The following CSTPP1 variants were observed in gnomAD, a reference collection of about 807,000 sequenced individuals.
CSTPP1 encodes centriolar satellite-associated tubulin polyglutamylase complex regulator 1, also known as UPF0705 protein C11orf49.
At chr11:47,102,791 G>C in the CSTPP1 span, among the ~76,000 whole-genome samples, 1 of 152,142 alleles carries the variant, frequency 6.6e-6, no homozygotes. Context: ...TAGAAAACTT[G>C]AACGAAATGA....
chr11:47,109,356 AT>A, the CSTPP1 span: 1 of 152,070 alleles, frequency 6.6e-6, no homozygotes, highest in Non-Finnish European at 1.5e-5. Context: ...AGTAACTTGG[AT>A]TCTGAGGACC....
chr11:46,997,600 C>T, the CSTPP1 span, among the ~76,000 whole-genome samples: 5 of 152,354 alleles, frequency 3.3e-5, no homozygotes, highest in East Asian at 9.6e-4. Context: ...TCCTCTGTTG[C>T]TGGCGAGGAT....
At chr11:47,058,984 C>A in the CSTPP1 span, among the ~76,000 whole-genome samples, 1 of 152,170 alleles carries the variant, frequency 6.6e-6, no homozygotes, top group African/African-American at 2.4e-5. Flanking sequence ...AAATATGGAA[C>A]ATATACACCA....
chr11:46,963,844 A>T, the CSTPP1 span, among the ~76,000 whole-genome samples: 1 of 151,912 alleles, frequency 6.6e-6, no homozygotes, highest in Non-Finnish European at 1.5e-5. Context: ...GGTCATAGCT[A>T]GACCAACTAG....
At chr11:46,964,285 C>A in the CSTPP1 span, among the ~76,000 whole-genome samples, 1 of 143,478 alleles carries the variant, frequency 7.0e-6, no homozygotes, top group Non-Finnish European at 1.5e-5. Context: ...TTCTCTCTCT[C>A]TCTCTTTTTT....
chr11:47,127,707 G>C, the CSTPP1 span, among the ~76,000 whole-genome samples: 2 of 151,346 alleles, frequency 1.3e-5, no homozygotes, highest in South Asian at 4.2e-4. Flanking sequence ...AAAAAAAAAA[G>C]ATTTTTTAAT....
chr11:46,953,575 G>A, the CSTPP1 span, among the ~76,000 whole-genome samples: 1 of 151,960 alleles, frequency 6.6e-6, no homozygotes, highest in Non-Finnish European at 1.5e-5. Flanking sequence ...AAACTGTTAT[G>A]GGATCTTTGA....
the CSTPP1 span, among the ~76,000 whole-genome samples, chr11:47,102,091 G>A: frequency 6.6e-6 from 1 of 152,138 alleles, no homozygotes; most frequent in East Asian, 1.9e-4. Flanking sequence ...ACTTTTAGGA[G>A]AATGATTTGG....
At chr11:47,125,992 G>A in the CSTPP1 span, among the ~76,000 whole-genome samples, 3 of 151,480 alleles carry the variant, frequency 2.0e-5, no homozygotes, top group African/African-American at 4.9e-5. Flanking sequence ...ATTCCATCCC[G>A]GGTGACAGAG....
chr11:46,979,943 A>G, the CSTPP1 span, among the ~76,000 whole-genome samples: 1 of 152,182 alleles, frequency 6.6e-6, no homozygotes, highest in African/African-American at 2.4e-5. Flanking sequence ...AGTTTCTGGC[A>G]CTTGAAATTG....
the CSTPP1 span, among the ~76,000 whole-genome samples, chr11:46,988,635 A>G: frequency 4.6e-5 from 7 of 152,142 alleles, no homozygotes; most frequent in Non-Finnish European, 8.8e-5. Context: ...AAAAGAATGA[A>G]AAAGACCTGC....
chr11:47,147,576 C>T, the CSTPP1 span, among the ~76,000 whole-genome samples: 4 of 152,234 alleles, frequency 2.6e-5, no homozygotes, highest in Non-Finnish European at 2.9e-5. Flanking sequence ...AGTCCTTCTG[C>T]GGGCAGCTGC....
the CSTPP1 span, among the ~76,000 whole-genome samples, chr11:47,086,701 T>C: frequency 1.3e-5 from 2 of 152,184 alleles, no homozygotes; most frequent in African/African-American, 4.8e-5. Context: ...TAGATTTCCT[T>C]ATTGGTAAAA....
At chr11:47,019,426 C>A in the CSTPP1 span, among the ~76,000 whole-genome samples, 4 of 152,194 alleles carry the variant, frequency 2.6e-5, no homozygotes, top group African/African-American at 9.7e-5. Flanking sequence ...ATGCTCTCTT[C>A]ACTAAGCTTA....
At chr11:47,153,411 A>G in the CSTPP1 span, among the ~76,000 whole-genome samples, 9 of 152,192 alleles carry the variant, frequency 5.9e-5, no homozygotes, top group Non-Finnish European at 1.2e-4. Flanking sequence ...TATCAGTAAC[A>G]AGAAAGAAAA....
the CSTPP1 span, among the ~76,000 whole-genome samples, chr11:47,130,050 A>G: frequency 6.6e-6 from 1 of 152,146 alleles, no homozygotes; most frequent in African/African-American, 2.4e-5. Context: ...CGAGGTCAAG[A>G]GATGGAGACC....
At chr11:47,126,238 C>T in the CSTPP1 span, among the ~76,000 whole-genome samples, 1 of 152,014 alleles carries the variant, frequency 6.6e-6, no homozygotes, top group African/African-American at 2.4e-5. Flanking sequence ...AAGTTACAAG[C>T]CAGACAGACT....
At chr11:47,090,106 G>A in the CSTPP1 span, among the ~76,000 whole-genome samples, 65 of 152,054 alleles carry the variant, frequency 4.3e-4, 1 homozygote, top group African/African-American at 1.5e-3. Flanking sequence ...CTCAGCCTCC[G>A]GAGTAGCTGG....
the CSTPP1 span, among the ~76,000 whole-genome samples, chr11:47,038,922 G>T: frequency 8.3e-6 from 1 of 121,206 alleles, no homozygotes; most frequent in African/African-American, 2.5e-5. Context: ...GGGCAGAGGT[G>T]CTCCCCACAT....
Sources: gnomAD v4.1 joint callset for allele counts (sites outside exome capture counted in the v4.1 genomes callset) on GRCh38, gnomAD v4.1.1 for gene constraint, MANE v1.5 for transcripts, NCBI Gene and HGNC (gene_info 2026-07-23, HGNC 2026-07-21) for gene names.